ANKRD50: variants seen among roughly 807,000 people sequenced by gnomAD.
ANKRD50 encodes the protein ankyrin repeat domain-containing protein 50.
In ANKRD50, 40 loss-of-function variants were observed where a neutral mutation model predicts 112.0. That is an observed-to-expected ratio of 0.36 (90% confidence interval 0.28 to 0.46). The LOEUF is 0.46. Among genes scored for constraint, ANKRD50 ranks in the 20% least tolerant of loss-of-function variants. The pLI is 1.00. For missense variants in ANKRD50, 1,487 were observed against 1,701.7 expected (o/e 0.87, Z 2.22); for synonymous variants, 613 against 619.1 (o/e 0.99, Z 0.15).
chr4:124,712,526 C>A lies in ANKRD50; in HGVS notation c.-832G>T. The A allele has an allele frequency of 6.5e-6, 1 of 153,276 alleles. No homozygotes were observed. Among genetic ancestry groups the A allele is most frequent in the South Asian group, 1.8e-4 (1 of 5,668 alleles). 9.5% of individuals were successfully genotyped at this position (153,276 alleles called of 1,614,324 possible). The stretch of plus-strand genomic sequence containing the variant: ...GACTCTCAGTCTCAGACACTTGCTT[C>A]GCTGAGAAGTCGCTGCCAGCAGCGC... On this transcript the variant is annotated 5_prime_UTR_variant, in exon 1 of 5. Coordinates refer to ENST00000504087, the MANE Select transcript of ANKRD50 (RefSeq NM_020337.3).
intron 3 of ANKRD50, among the ~76,000 whole-genome samples, chr4:124,674,837 C>A (rs944956182): frequency 8.6e-5 from 13 of 151,794 alleles, no homozygotes; most frequent in Admixed American, 7.9e-4. Context: ...TTACCATGTT[C>A]TTTACCAATG....
At chr4:124,696,890 A>C (rs1325186892) in intron 2 of ANKRD50, among the ~76,000 whole-genome samples, 2 of 152,198 alleles carry the variant, frequency 1.3e-5, no homozygotes, top group African/African-American at 2.4e-5. Context: ...TGAGGATCTA[A>C]TGATTTTTCA....
Position 124,672,161 on chromosome 4 carries a change from T to A in ANKRD50, c.1116A>T (p.Ala372=). ...TTAACGACATGTTTTTGGTCCATAC[T>A]GCGTGATATAATTCCGTTATGGTCA... ...RPLTITELYH[A]VWTKNMSLTL... The change falls in exon 4 of 5, where the codon GCA becomes GCT. Residue 372 remains alanine (A), a synonymous_variant. Transcript: ENST00000504087. 1 of 1,613,922 alleles carries A rather than the reference T, an allele frequency of 6.2e-7. No homozygotes were observed. Among genetic ancestry groups the A allele is most frequent in the Non-Finnish European group, 8.5e-7 (1 of 1,179,862 alleles).
chr4:124,674,976 TG>T (rs1268441924), intron 3 of ANKRD50, among the ~76,000 whole-genome samples: 2 of 151,760 alleles, frequency 1.3e-5, no homozygotes, highest in African/African-American at 2.4e-5. Context: ...CTAATACACA[TG>T]TAATCCTCTT....
At chr4:124,706,642 A>G (rs887830128) in intron 2 of ANKRD50, among the ~76,000 whole-genome samples, 1 of 152,086 alleles carries the variant, frequency 6.6e-6, no homozygotes, top group Admixed American at 6.5e-5. Context: ...TCAACTTTCT[A>G]TAACTATTAA....
chr4:124,672,195 C>T lies in ANKRD50; in HGVS notation c.1082G>A (p.Cys361Tyr). The change falls in exon 4 of 5, where the codon TGC becomes TAC. Residue 361 changes from cysteine (C) to tyrosine (Y), a missense_variant. Physicochemically the swap from Cys to Tyr is radical, Grantham distance 194 (BLOSUM62 -2). Transcript: ENST00000504087. ...QPILNVILAA[C>Y]RPLTITELYH... is the part of the protein sequence containing the mutation. ...TAATTCCGTTATGGTCAAAGGTCGG[C>T]AGGCTGCAAGAATCACATTCAAAAT... is the stretch of plus-strand genomic sequence containing the variant. 1.2e-6 allele frequency: 2 copies of T among 1,613,850 alleles called. No individual in the cohort carries two copies. The highest frequency in any genetic ancestry group is 1.3e-5 in the African/African-American group (1 of 75,008).
rs1725614597 is a variant in ANKRD50, at chr4:124,710,945, G to C, written c.-434C>G. 1 of 418,118 alleles carries C rather than the reference G, an allele frequency of 2.4e-6. No individual in the cohort carries two copies. The highest frequency in any genetic ancestry group is 9.8e-5 in the South Asian group (1 of 10,210). 25.9% of individuals were successfully genotyped at this position (418,118 alleles called of 1,614,324 possible). On this transcript the variant is annotated 5_prime_UTR_variant, in exon 2 of 5. In the 5' UTR this introduces an upstream ATG that the reference lacks. Coordinates refer to ENST00000504087, the MANE Select transcript of ANKRD50 (RefSeq NM_020337.3). ...GTGTTAATTCTGCATCTGACAATTA[G>C]ATTCTGAAAAGAGGTCCACTGCATT...
chr4:124,693,895 A>C (rs1725192108), intron 2 of ANKRD50, among the ~76,000 whole-genome samples: 1 of 152,164 alleles, frequency 6.6e-6, no homozygotes, highest in Non-Finnish European at 1.5e-5. Flanking sequence ...GTATATGCTG[A>C]CACATCTGCC....
intron 2 of ANKRD50, among the ~76,000 whole-genome samples, chr4:124,696,539 A>G (rs1578589246): frequency 1.3e-5 from 2 of 152,132 alleles, no homozygotes; most frequent in East Asian, 1.9e-4. Context: ...TATAAAATAG[A>G]AAAAATACCA....
chr4:124,669,371 A>G lies in ANKRD50; in HGVS notation c.3906T>C (p.Thr1302=). The change falls in exon 4 of 5, where the codon ACT becomes ACC. Residue 1302 remains threonine, a synonymous_variant. Coordinates refer to ENST00000504087, the MANE Select transcript of ANKRD50 (RefSeq NM_020337.3). ...SQPKVLEYEM[T]QFDRRGPIAK... ...CTATAGGTCCTCTTCTATCAAACTG[A>G]GTCATTTCATATTCTAAAACCTTTG... 6.2e-7 allele frequency: 1 copy of G among 1,613,588 alleles called. No homozygotes were observed. Among genetic ancestry groups the G allele is most frequent in the Non-Finnish European group, 8.5e-7 (1 of 1,179,826 alleles).
intron 2 of ANKRD50, among the ~76,000 whole-genome samples, chr4:124,699,716 T>C (rs1725345319): frequency 6.6e-6 from 1 of 151,316 alleles, no homozygotes. Flanking sequence ...ATAACCAAAA[T>C]AGGGTTTAAA....
chr4:124,695,493 A>G (rs969578865), intron 2 of ANKRD50, among the ~76,000 whole-genome samples: 2 of 152,212 alleles, frequency 1.3e-5, no homozygotes, highest in Non-Finnish European at 2.9e-5. Flanking sequence ...GAATTTCCTC[A>G]ACGCACGTTT....
chr4:124,690,495 T>A (rs1285430948), intron 2 of ANKRD50, among the ~76,000 whole-genome samples: 1 of 152,180 alleles, frequency 6.6e-6, no homozygotes, highest in East Asian at 1.9e-4. Flanking sequence ...TCCCCAAAAA[T>A]GTACATTTCC....
At position 124,670,199 on chromosome 4, in the gene ANKRD50, T is replaced by C. The variant is rs767522480; in HGVS notation, c.3078A>G (p.Lys1026=). 6.2e-7 allele frequency: 1 copy of C among 1,612,794 alleles called. No individual in the cohort carries two copies. The highest frequency in any genetic ancestry group is 2.2e-5 in the East Asian group (1 of 44,852). The change falls in exon 4 of 5, where the codon AAA becomes AAG. Residue 1026 remains lysine (K), a synonymous_variant. Transcript: ENST00000504087. The stretch of plus-strand genomic sequence containing the variant: ...CATGCTCAATCAGAAGCTGAACCAC[T>C]TTTACATGGCCCTGCCAGGCTGCAG... ...LQSAAWQGHV[K]VVQLLIEHGA...
At chr4:124,705,518 G>A (rs981413436) in intron 2 of ANKRD50, among the ~76,000 whole-genome samples, 1 of 152,178 alleles carries the variant, frequency 6.6e-6, no homozygotes, top group African/African-American at 2.4e-5. Flanking sequence ...AGAAATAAAA[G>A]TGAGGTAATG....
At position 124,704,848 on chromosome 4, in the gene ANKRD50, A is replaced by G. The variant is rs141113787; in HGVS notation, c.512+5152T>C. 3.8e-3 allele frequency among the ~76,000 whole-genome samples: 575 copies of G among 152,302 alleles called. 3 individuals carry two copies. Among genetic ancestry groups the G allele is most frequent in the African/African-American group, 0.013 (530 of 41,572 alleles). On this transcript the variant is annotated intron_variant, in intron 2 of 4. Coordinates refer to ENST00000504087, the MANE Select transcript of ANKRD50 (RefSeq NM_020337.3). ...AGTGGCTCACGCCTGTAATCCCAGCACTCTGGGAGGCCGAGGTGGGTGGAT... is the reference window on the plus strand; with the variant it reads ...AGTGGCTCACGCCTGTAATCCCAGCGCTCTGGGAGGCCGAGGTGGGTGGAT...
In ANKRD50 at chr4:124,710,021, T is replaced by G. The variant is rs746024102; in HGVS notation, c.491A>C (p.Asn164Thr). ...SLLQPGECER[N>T]PAEAFKRCVL... ...TTACCTTTTAAATGCTTCGGCTGGG[T>G]TTCTCTCGCACTCCCCAGGCTGTAA... The change falls in exon 2 of 5, where the codon AAC becomes ACC. Residue 164 changes from asparagine to threonine, a missense_variant. Coordinates refer to ENST00000504087, the MANE Select transcript of ANKRD50 (RefSeq NM_020337.3). 6.2e-7 allele frequency: 1 copy of G among 1,610,544 alleles called. No individual in the cohort carries two copies.
In ANKRD50 at chr4:124,669,583, T is replaced by C. The variant is rs369701008; in HGVS notation, c.3694A>G (p.Ile1232Val). The change falls in exon 4 of 5, where the codon ATT (isoleucine) becomes GTT (valine). Residue 1232 changes from isoleucine to valine, a missense_variant. By Grantham distance (29) the Ile-to-Val change is conservative. Around this residue, in one of 2 missense-constraint regions of ANKRD50, gnomAD observed 441 missense variants for 432.2 expected, o/e 1.02. Transcript: ENST00000504087. ...SLPRSRSRQS[I>V]VSPSSTTQSL... Reference sequence around the variant, plus strand: ...TGTGTTGTGGAAGATGGGGAAACAATTGACTGTCGACTTCTACTGCGTGGC... The same window carrying C: ...TGTGTTGTGGAAGATGGGGAAACAACTGACTGTCGACTTCTACTGCGTGGC... 2.1e-4 allele frequency: 340 copies of C among 1,613,488 alleles called. 1 individual carries two copies. The highest frequency in any genetic ancestry group is 1.7e-3 in the Middle Eastern group (10 of 6,056).
chr4:124,701,154 G>T (rs940269041), intron 2 of ANKRD50, among the ~76,000 whole-genome samples: 2 of 152,090 alleles, frequency 1.3e-5, no homozygotes, highest in African/African-American at 2.4e-5. Flanking sequence ...GTAGAGACAG[G>T]GTTTCTCCAT....
Sources: gnomAD v4.1 joint callset for allele counts (sites outside exome capture counted in the v4.1 genomes callset) on GRCh38, gnomAD v4.1.1 for gene constraint, gnomAD v4.1.1 regional missense constraint, MANE v1.5 for transcripts, NCBI Gene and HGNC (gene_info 2026-07-23, HGNC 2026-07-21) for gene names.